DLGAP2: variants seen among roughly 807,000 people sequenced by gnomAD.
DLGAP2 encodes the protein disks large-associated protein 2.
A neutral mutation model predicts 100.3 loss-of-function variants in DLGAP2; 26 were observed. That is an observed-to-expected ratio of 0.26 (90% CI 0.19 to 0.36). The LOEUF is 0.36. DLGAP2 is among the 10% of genes least tolerant of loss of function. The pLI, the probability that DLGAP2 is intolerant of heterozygous loss-of-function variation, is 1.00. For missense variants in DLGAP2, 1,858 were observed against 1,453.2 expected (o/e 1.28, Z -4.53); for synonymous variants, 886 against 630.1 (o/e 1.41, Z -6.08).
At chr8:1,107,853 C>G (rs1471420514) in intron 2 of DLGAP2, among the ~76,000 whole-genome samples, 1 of 152,278 alleles carries the variant, frequency 6.6e-6, no homozygotes, top group Non-Finnish European at 1.5e-5. Context: ...ACCGAACCAC[C>G]CTAAGCTGAC....
intron 1 of DLGAP2, among the ~76,000 whole-genome samples, chr8:748,652 G>A (rs1429279081): frequency 1.3e-5 from 2 of 152,300 alleles, no homozygotes; most frequent in Non-Finnish European, 2.9e-5. Flanking sequence ...CAGCCCTGCG[G>A]TGCTGTGAAT....
intron 3 of DLGAP2, among the ~76,000 whole-genome samples, chr8:1,334,284 A>G (rs1348345133): frequency 1.3e-5 from 2 of 152,214 alleles, no homozygotes; most frequent in East Asian, 1.9e-4. Flanking sequence ...TTGCCACCCC[A>G]TGCAGCCCTG....
chr8:837,958 C>T (rs556324753), intron 1 of DLGAP2, among the ~76,000 whole-genome samples: 2 of 149,762 alleles, frequency 1.3e-5, no homozygotes, highest in Non-Finnish European at 3.0e-5. Context: ...TGCTCCTGAG[C>T]TCAAGTGATC....
chr8:813,653 A>G (rs913487468), intron 1 of DLGAP2, among the ~76,000 whole-genome samples: 3 of 151,936 alleles, frequency 2.0e-5, no homozygotes, highest in Admixed American at 1.3e-4. Flanking sequence ...TGCTGGCTGA[A>G]CCCTCCTCCA....
intron 3 of DLGAP2, among the ~76,000 whole-genome samples, chr8:1,501,086 G>A (rs73672746): frequency 4.6e-5 from 7 of 152,070 alleles, no homozygotes; most frequent in Non-Finnish European, 7.4e-5. Flanking sequence ...AGTTAGGCCA[G>A]AGTTAAAGCT....
intron 2 of DLGAP2, among the ~76,000 whole-genome samples, chr8:1,213,703 C>G (rs763488667): frequency 1.2e-4 from 18 of 152,096 alleles, no homozygotes; most frequent in Non-Finnish European, 7.4e-5. Flanking sequence ...CTCTAATATC[C>G]AAGGGCCCTC....
At chr8:1,618,947 C>T (rs1047460313) in intron 6 of DLGAP2, among the ~76,000 whole-genome samples, 1 of 152,156 alleles carries the variant, frequency 6.6e-6, no homozygotes, top group Non-Finnish European at 1.5e-5. Flanking sequence ...CCCTTGAGGG[C>T]CTAATCGCCC....
chr8:930,378 G>A (rs1798927803), intron 2 of DLGAP2, among the ~76,000 whole-genome samples: 2 of 152,232 alleles, frequency 1.3e-5, no homozygotes, highest in Non-Finnish European at 2.9e-5. Context: ...CAGAGAGACA[G>A]TAACATGAAC....
Position 815,394 on chromosome 8 carries a change from A to G in DLGAP2, c.18+77569A>G, listed in dbSNP as rs559212601. ...GCTTTGCCCTCATGACTTAAGTTTC[A>G]GCATGTGAATTTTGGAGACCTTTTC... On this transcript the variant is annotated intron_variant, in intron 1 of 14. Coordinates refer to ENST00000637795, the MANE Select transcript of DLGAP2 (RefSeq NM_001346810.2). Among the ~76,000 whole-genome samples the G allele has an allele frequency of 3.1e-3, 467 of 152,338 alleles. 3 individuals are homozygous for G. Among genetic ancestry groups the G allele is most frequent in the African/African-American group, 0.011 (451 of 41,576 alleles).
intron 2 of DLGAP2, among the ~76,000 whole-genome samples, chr8:1,138,237 C>A (rs1168110244): frequency 6.6e-6 from 1 of 152,192 alleles, no homozygotes; most frequent in Non-Finnish European, 1.5e-5. Flanking sequence ...CCTGAGTCCC[C>A]TGTTGGTTCT....
intron 2 of DLGAP2, among the ~76,000 whole-genome samples, chr8:1,251,838 C>T (rs999398514): frequency 3.9e-5 from 6 of 152,190 alleles, no homozygotes; most frequent in Non-Finnish European, 8.8e-5. Context: ...GTCCTGTAGG[C>T]GTGTTGCATA....
At chr8:1,679,635 G>A (rs1230474059) in intron 12 of DLGAP2, among the ~76,000 whole-genome samples, 1 of 152,196 alleles carries the variant, frequency 6.6e-6, no homozygotes, top group Non-Finnish European at 1.5e-5. Flanking sequence ...ACATGGAAGG[G>A]GACAGCCCCT....
intron 2 of DLGAP2, among the ~76,000 whole-genome samples, chr8:1,023,081 A>G (rs1378135299): frequency 6.6e-6 from 1 of 152,224 alleles, no homozygotes; most frequent in Non-Finnish European, 1.5e-5. Flanking sequence ...TGCTGGCACC[A>G]TGGTCAAGAT....
At chr8:1,179,996 A>G (rs10104013) in intron 2 of DLGAP2, among the ~76,000 whole-genome samples, 11,452 of 152,310 alleles carry the variant, frequency 0.075, 595 homozygotes, top group East Asian at 0.18. Flanking sequence ...TTGGTGTTTT[A>G]TACTAGCCAG....
intron 2 of DLGAP2, among the ~76,000 whole-genome samples, chr8:1,195,784 G>A (rs6558422): frequency 0.29 from 43,445 of 152,164 alleles, 7,174 homozygotes; most frequent in African/African-American, 0.45. Context: ...GGAGCTGACC[G>A]TGTGGCGCGT....
Position 902,071 on chromosome 8 carries a change from C to A in DLGAP2, c.19-5841C>A, listed in dbSNP as rs145838055. On this transcript the variant is annotated intron_variant, in intron 1 of 14. Transcript: ENST00000637795. ...CGGAACCGAGGAACCCTGGTGGGTCCACCGCAGAGGGATTGCTCAGGAATG... is the reference window on the plus strand; with the variant it reads ...CGGAACCGAGGAACCCTGGTGGGTCAACCGCAGAGGGATTGCTCAGGAATG... Among the ~76,000 whole-genome samples the A allele has an allele frequency of 3.4e-3, 517 of 152,340 alleles. 2 individuals are homozygous for A. Among genetic ancestry groups the A allele is most frequent in the Non-Finnish European group, 5.3e-3 (363 of 68,034 alleles).
intron 7 of DLGAP2, among the ~76,000 whole-genome samples, chr8:1,630,211 C>G (rs1177622180): frequency 6.6e-6 from 1 of 152,110 alleles, no homozygotes; most frequent in Admixed American, 6.5e-5. Flanking sequence ...CACCCAGAAA[C>G]AAACGTAGTA....
intron 6 of DLGAP2, among the ~76,000 whole-genome samples, chr8:1,598,340 C>T (rs1485658740): frequency 6.6e-6 from 1 of 152,168 alleles, no homozygotes; most frequent in Admixed American, 6.6e-5. Flanking sequence ...TTTGTTGTGT[C>T]TCTGCCAGGT....
chr8:918,584 T>G (rs1483080280), intron 2 of DLGAP2, among the ~76,000 whole-genome samples: 1 of 152,240 alleles, frequency 6.6e-6, no homozygotes, highest in Non-Finnish European at 1.5e-5. Flanking sequence ...CACCGCAGTC[T>G]TCTGTGTTGT....
Sources: allele counts gnomAD v4.1 joint callset (sites outside exome capture counted in the v4.1 genomes callset), GRCh38; gene constraint gnomAD v4.1.1; transcripts MANE v1.5; gene names NCBI Gene and HGNC (gene_info 2026-07-23, HGNC 2026-07-21).